DNAH1: variants seen among roughly 807,000 people sequenced by gnomAD.
The protein encoded by DNAH1 is axonemal beta dynein heavy chain 1.
A neutral mutation model predicts 484.3 loss-of-function variants in DNAH1; 327 were observed. The ratio of observed to expected loss-of-function variants is 0.68; its 90% CI spans 0.62 to 0.74. DNAH1 has a LOEUF of 0.74. Among genes scored for constraint, DNAH1 ranks in the 30% least tolerant of loss-of-function variants. DNAH1 has a pLI of 0.00. For synonymous variants in DNAH1, 2,192 were observed against 2,191.9 expected (o/e 1.00, Z 0.00); for missense variants, 5,052 against 5,546.8 (o/e 0.91, Z 2.83).
chr3:52,362,508 G>A lies in DNAH1; in HGVS notation c.5094+7G>A, dbSNP rs372451486. On this transcript the variant is annotated splice_region_variant and intron_variant, in intron 31 of 77. Transcript: ENST00000420323. The surrounding 1 kb of genome is among the most constrained non-coding windows in gnomAD (Gnocchi z 5.1). ...GCTGCCTGACAATCTGAAGGCAAGT[G>A]CAGGCCCAGAGTGGCCCAGGAAGCA... is the stretch of plus-strand genomic sequence containing the variant. The A allele has an allele frequency of 1.9e-5, 30 of 1,611,562 alleles. No individual in the cohort carries two copies. In the African/African-American group the frequency reaches 3.6e-4, roughly 19 times the overall value.
chr3:52,391,479 G>T lies in DNAH1; in HGVS notation c.9928G>T (p.Gly3310Trp). The T allele has an allele frequency of 6.2e-7, 1 of 1,612,884 alleles. No individual in the cohort carries two copies. Among genetic ancestry groups the T allele is most frequent in the Non-Finnish European group, 8.5e-7 (1 of 1,179,424 alleles). Residue 3310 changes from glycine to tryptophan, a missense_variant, in exon 63 of 78, where the codon GGG becomes TGG. Coordinates refer to ENST00000420323, the MANE Select transcript of DNAH1 (RefSeq NM_015512.5). The stretch of plus-strand genomic sequence containing the variant: ...GCAGGGAAACACGGTGCTGAAGCTG[G>T]GGGACACGGTGATCCCCTACCATGA... Reference protein sequence around the residue: ...KQQGNTVLKLGDTVIPYHEDF... With the variant: ...KQQGNTVLKLWDTVIPYHEDF...
chr3:52,359,184 GAAGA>G lies in DNAH1; in HGVS notation c.4267-56_4267-53del, dbSNP rs1454437908. On this transcript the variant is annotated intron_variant, in intron 25 of 77. Transcript: ENST00000420323. ...AGAGCACAGACAGCATTCAGAGGAA[GAAGA>G]AAGAATGGGATTGGGGCTGCGGCTG... 3.9e-6 allele frequency: 6 copies of G among 1,534,368 alleles called. No homozygotes were observed. The African/African-American group carries it at 6.9e-5, about 18-fold the overall frequency.
At chr3:52,394,870 C>T (rs375078814) in intron 67 of DNAH1, 45 bp from the exon 68 acceptor site, 120 of 1,602,970 alleles carry the variant, frequency 7.5e-5, no homozygotes, top group Non-Finnish European at 9.8e-5. Flanking sequence ...CACCAACCTC[C>T]TTCCAACAGG....
chr3:52,391,507 A>T lies in DNAH1; in HGVS notation c.9956A>T (p.Asp3319Val). The T allele has an allele frequency of 6.2e-7, 1 of 1,613,464 alleles. No homozygotes were observed. Among genetic ancestry groups the T allele is most frequent in the Non-Finnish European group, 8.5e-7 (1 of 1,179,720 alleles). Reference protein sequence around the residue: ...LGDTVIPYHEDFRMYITTKLP... With the variant: ...LGDTVIPYHEVFRMYITTKLP... ...GACACGGTGATCCCCTACCATGAGG[A>T]CTTCAGGATGTACATCACCACCAAG... The change falls in exon 63 of 78, where the codon GAC becomes GTC. Residue 3319 changes from aspartate to valine, a missense_variant. This residue lies in a region of DNAH1 where 2,929 missense variants were observed against 3,409.4 expected (regional missense o/e 0.86). Transcript: ENST00000420323.
intron 3 of DNAH1, among the ~76,000 whole-genome samples, chr3:52,324,488 G>A (rs1017308387): frequency 2.0e-5 from 3 of 152,028 alleles, no homozygotes; most frequent in African/African-American, 7.2e-5. Flanking sequence ...ACCTGGCCAG[G>A]GTTTGTGCCT....
At chr3:52,354,100 T>G (rs1702509495) in intron 20 of DNAH1, among the ~76,000 whole-genome samples, 2 of 151,062 alleles carry the variant, frequency 1.3e-5, no homozygotes, top group African/African-American at 4.9e-5. Context: ...AGGCTGAGGC[T>G]GCAGTGAGCG....
At position 52,397,017 on chromosome 3, in the gene DNAH1, C is replaced by T. The variant is rs776985135; in HGVS notation, c.11760C>T (p.His3920=). Residue 3920 remains histidine, a synonymous_variant, in exon 73 of 78, where the codon CAC becomes CAT. Transcript: ENST00000420323. ...GCTACAGCGCCTCGGGCATCTACCA[C>T]CAGATCCCGCCTACCTACGACCTCC... ...EHSYSASGIY[H]QIPPTYDLHG... The T allele has an allele frequency of 1.9e-6, 3 of 1,609,162 alleles. No homozygotes were observed. The highest frequency in any genetic ancestry group is 2.2e-5 in the East Asian group (1 of 44,588).
chr3:52,400,405 A>G lies in DNAH1; in HGVS notation c.12757A>G (p.Ile4253Val), dbSNP rs527445118. The G allele has an allele frequency of 1.2e-6, 2 of 1,614,062 alleles. No homozygotes were observed. Among genetic ancestry groups the G allele is most frequent in the African/African-American group, 1.3e-5 (1 of 75,072 alleles). The change falls in exon 78 of 78, where the codon ATA becomes GTA. Residue 4253 changes from isoleucine to valine, a missense_variant. Physicochemically the swap from Ile to Val is conservative, Grantham distance 29 (BLOSUM62 3). This residue lies in a region of DNAH1 where 853 missense variants were observed against 899.0 expected (regional missense o/e 0.95). Transcript: ENST00000420323. ...IPTHQPQRHW[I>V]KRGVALICAL... ...CACCCATCAGCCCCAGCGACACTGG[A>G]TAAAGCGTGGTGTGGCCCTCATCTG... is the stretch of plus-strand genomic sequence containing the variant.
In DNAH1 at chr3:52,370,246, G is replaced by A. The variant is rs199857102; in HGVS notation, c.6258+17G>A. On this transcript the variant is annotated intron_variant, in intron 39 of 77. Coordinates refer to ENST00000420323, the MANE Select transcript of DNAH1 (RefSeq NM_015512.5). ...CCTAGAGAGGTACAGCCCTGAGAGT[G>A]GGGCTAGATGCACCTGGTCCCTCTC... The A allele has an allele frequency of 1.7e-3, 2,748 of 1,611,828 alleles. 5 individuals carry two copies. The highest frequency in any genetic ancestry group is 2.2e-3 in the Non-Finnish European group (2,543 of 1,178,880).
Position 52,397,812 on chromosome 3 carries a change from C to T in DNAH1, c.11893C>T (p.Leu3965Phe), listed in dbSNP as rs1321129845. ...CTTTGCCCAGAACGAGACGTTCGCCCTCCTGGGCACCATCATCCAGCTGCA... is the reference window on the plus strand; with the variant it reads ...CTTTGCCCAGAACGAGACGTTCGCCTTCCTGGGCACCATCATCCAGCTGCA... ...ITFAQNETFA[L>F]LGTIIQLQPK... The change falls in exon 74 of 78, where the codon CTC (leucine) becomes TTC (phenylalanine). Residue 3965 changes from leucine to phenylalanine, a missense_variant. Physicochemically the swap from Leu to Phe is conservative, Grantham distance 22. This residue lies in a region of DNAH1 where 853 missense variants were observed against 899.0 expected (regional missense o/e 0.95). Transcript: ENST00000420323. The T allele has an allele frequency of 6.8e-6, 11 of 1,613,372 alleles. No homozygotes were observed. Among genetic ancestry groups the T allele is most frequent in the East Asian group, 2.2e-5 (1 of 44,896 alleles).
intron 8 of DNAH1, among the ~76,000 whole-genome samples, chr3:52,334,269 A>G (rs770567312): frequency 1.3e-5 from 2 of 152,214 alleles, no homozygotes; most frequent in Non-Finnish European, 2.9e-5. Context: ...GGTACAGTAA[A>G]AATACAGTAT....
Position 52,383,885 on chromosome 3 carries a change from C to G in DNAH1, c.8176C>G (p.Arg2726Gly), listed in dbSNP as rs745633639. 3 of 1,605,594 alleles carry G rather than the reference C, an allele frequency of 1.9e-6. No individual in the cohort carries two copies. The highest frequency in any genetic ancestry group is 2.6e-6 in the Non-Finnish European group (3 of 1,174,262). The change falls in exon 52 of 78, where the codon CGT becomes GGT. Residue 2726 changes from arginine (R) to glycine (G), a missense_variant. Physicochemically the swap from Arg to Gly is moderately radical, Grantham distance 125. Coordinates refer to ENST00000420323, the MANE Select transcript of DNAH1 (RefSeq NM_015512.5). Reference protein sequence around the residue: ...MSPIGEVFRARLRQFPSLVNC... With the variant: ...MSPIGEVFRAGLRQFPSLVNC... The stretch of plus-strand genomic sequence containing the variant: ...CCCCATCGGAGAGGTCTTCCGAGCT[C>G]GTCTGAGGCAGTTTCCCTCCCTGGT...
chr3:52,360,462 C>T (rs1477366159), intron 28 of DNAH1, 38 bp downstream of exon 28: 1 of 1,548,490 alleles, frequency 6.5e-7, no homozygotes, highest in Non-Finnish European at 8.9e-7. Flanking sequence ...ACACTGAGAC[C>T]CTCCCTCTAG....
chr3:52,381,956 C>T lies in DNAH1; in HGVS notation c.7805+120C>T. 1 of 1,096,582 alleles carries T rather than the reference C, an allele frequency of 9.1e-7. No individual in the cohort carries two copies. The highest frequency in any genetic ancestry group is 1.3e-6 in the Non-Finnish European group (1 of 786,048). The allele number at this position is 1,096,582 out of a possible 1,614,324, so 67.9% of individuals were successfully genotyped here. ...GCAACCCTGAAGTAGGCCCGTGCAGCCTACAGGCTTCTGGAAAGACTAGTA... is the reference window on the plus strand; with the variant it reads ...GCAACCCTGAAGTAGGCCCGTGCAGTCTACAGGCTTCTGGAAAGACTAGTA... On this transcript the variant is annotated intron_variant, in intron 49 of 77. Transcript: ENST00000420323. This position sits in a 1 kb window ranked among gnomAD's most constrained non-coding sequence, Gnocchi z 4.1.
rs188827289 is a variant in DNAH1, at chr3:52,350,935, G to A, written c.2729+345G>A. On this transcript the variant is annotated intron_variant, in intron 16 of 77. Coordinates refer to ENST00000420323, the MANE Select transcript of DNAH1 (RefSeq NM_015512.5). ...ACGATCTCAGCTTACTGCAACCTCCGCCTCCAGGGTTCAAGTGATTCTCCC... is the reference window on the plus strand; with the variant it reads ...ACGATCTCAGCTTACTGCAACCTCCACCTCCAGGGTTCAAGTGATTCTCCC... 5.5e-3 allele frequency among the ~76,000 whole-genome samples: 843 copies of A among 152,286 alleles called. 10 individuals carry two copies. Among genetic ancestry groups the A allele is most frequent in the African/African-American group, 0.019 (808 of 41,546 alleles).
chr3:52,392,827 C>T lies in DNAH1; in HGVS notation c.10279-3C>T. On this transcript the variant is annotated splice_region_variant and splice_polypyrimidine_tract_variant and intron_variant, in intron 64 of 77. Coordinates refer to ENST00000420323, the MANE Select transcript of DNAH1 (RefSeq NM_015512.5). ...CCCCTCCCCCCACCCACTACACCCA[C>T]AGGCCAAAGTCAGGATTGCAGAGCA... 2 of 1,490,498 alleles carry T rather than the reference C, an allele frequency of 1.3e-6. No homozygotes were observed. The highest frequency in any genetic ancestry group is 1.9e-6 in the Non-Finnish European group (2 of 1,079,730). 92.3% of individuals were successfully genotyped at this position (1,490,498 alleles called of 1,614,324 possible).
intron 14 of DNAH1, among the ~76,000 whole-genome samples, chr3:52,349,720 G>T (rs761673228): frequency 6.6e-6 from 1 of 152,214 alleles, no homozygotes; most frequent in Non-Finnish European, 1.5e-5. Context: ...TAGGGGATTC[G>T]AGTGCAGGCC....
chr3:52,342,771 TG>T (rs1701998007), intron 8 of DNAH1, among the ~76,000 whole-genome samples: 1 of 152,032 alleles, frequency 6.6e-6, no homozygotes, highest in Non-Finnish European at 1.5e-5. Context: ...GAACAGGGGA[TG>T]GAGAGAAATG....
chr3:52,342,659 A>G (rs1322544045), intron 8 of DNAH1, among the ~76,000 whole-genome samples: 1 of 152,156 alleles, frequency 6.6e-6, no homozygotes, highest in Non-Finnish European at 1.5e-5. Flanking sequence ...CACATCCAGT[A>G]GCAGGAAGAG....
Sources: allele counts gnomAD v4.1 joint callset (sites outside exome capture counted in the v4.1 genomes callset), GRCh38; gene constraint gnomAD v4.1.1; regional missense constraint gnomAD v4.1.1; non-coding constraint Gnocchi (gnomAD v3.1); transcripts MANE v1.5; gene names NCBI Gene and HGNC (gene_info 2026-07-23, HGNC 2026-07-21).